Variants in KIAA0825 observed in about 807,000 individuals in gnomAD.
KIAA0825 encodes the protein uncharacterized protein KIAA0825.
Under a neutral mutation model 147.6 loss-of-function variants are expected in KIAA0825, and 119 were observed. That is an observed-to-expected ratio of 0.81 (90% CI 0.69 to 0.94). The LOEUF (loss-of-function observed/expected upper bound fraction) is 0.94. Among genes scored for constraint, KIAA0825 ranks in the 40% least tolerant of loss-of-function variants. The probability of loss-of-function intolerance (pLI) is 0.00; values close to 1 mark genes in which losing one functional copy is unlikely to be tolerated. For missense variants in KIAA0825, 1,381 were observed against 1,472.7 expected (o/e 0.94, Z 1.02); for synonymous variants, 470 against 518.1 (o/e 0.91, Z 1.26).
chr5:94,269,672 G>A (rs1416029096), intron 20 of KIAA0825, among the ~76,000 whole-genome samples: 3 of 152,008 alleles, frequency 2.0e-5, no homozygotes, highest in Non-Finnish European at 4.4e-5. Context: ...ACAGTACTAA[G>A]AGGAAAGTTT....
chr5:94,294,018 G>A (rs1778027129), intron 20 of KIAA0825, among the ~76,000 whole-genome samples: 2 of 151,934 alleles, frequency 1.3e-5, no homozygotes, highest in African/African-American at 4.8e-5. Context: ...GAGTTTATAT[G>A]TGCCTTTGCA....
intron 20 of KIAA0825, among the ~76,000 whole-genome samples, chr5:94,245,041 A>G (rs191938552): frequency 1.9e-4 from 29 of 152,320 alleles, no homozygotes; most frequent in Middle Eastern, 3.4e-3. Context: ...CAAAGTTGAT[A>G]GGTATTGAAA....
chr5:94,253,910 A>G (rs892597222), intron 20 of KIAA0825, among the ~76,000 whole-genome samples: 1 of 152,168 alleles, frequency 6.6e-6, no homozygotes, highest in Non-Finnish European at 1.5e-5. Flanking sequence ...AGCACAATGC[A>G]TCTTCACTGT....
chr5:94,431,268 A>T (rs542665494), intron 14 of KIAA0825, among the ~76,000 whole-genome samples: 1 of 152,224 alleles, frequency 6.6e-6, no homozygotes, highest in Non-Finnish European at 1.5e-5. Context: ...CAATATTAGT[A>T]CCCCATTTAG....
chr5:94,180,649 A>T (rs1340741983), intron 20 of KIAA0825, among the ~76,000 whole-genome samples: 1 of 152,104 alleles, frequency 6.6e-6, no homozygotes, highest in African/African-American at 2.4e-5. Context: ...ATGGCATTTC[A>T]TGTTTCAGAG....
chr5:94,466,608 G>A (rs2150970616), intron 10 of KIAA0825, among the ~76,000 whole-genome samples: 1 of 151,696 alleles, frequency 6.6e-6, no homozygotes, highest in South Asian at 2.1e-4. Context: ...GTGGTGGCAG[G>A]CGCCTGTAGT....
intron 1 of KIAA0825, among the ~76,000 whole-genome samples, chr5:94,610,512 C>G (rs1481266323): frequency 1.3e-5 from 2 of 149,712 alleles, no homozygotes; most frequent in African/African-American, 4.9e-5. Flanking sequence ...ACCTGTAATC[C>G]TAGCACTTTG....
At chr5:94,454,894 C>A (rs962592287) in intron 12 of KIAA0825, among the ~76,000 whole-genome samples, 8 of 151,994 alleles carry the variant, frequency 5.3e-5, no homozygotes, top group Non-Finnish European at 8.8e-5. Flanking sequence ...GTTAAATTCA[C>A]AGAACGAACA....
intron 20 of KIAA0825, among the ~76,000 whole-genome samples, chr5:94,330,376 C>T (rs942664405): frequency 6.6e-6 from 1 of 152,004 alleles, no homozygotes; most frequent in Admixed American, 6.6e-5. Flanking sequence ...AAATATGTAA[C>T]CTGATCAAAA....
intron 1 of KIAA0825, among the ~76,000 whole-genome samples, chr5:94,614,535 C>A (rs1789861053): frequency 6.6e-6 from 1 of 152,170 alleles, no homozygotes. Flanking sequence ...CAGCCTTCAT[C>A]CATCTTACAT....
intron 20 of KIAA0825, among the ~76,000 whole-genome samples, chr5:94,326,756 A>T (rs1218709733): frequency 6.6e-6 from 1 of 152,228 alleles, no homozygotes; most frequent in South Asian, 2.1e-4. Flanking sequence ...TCCTTAGGAT[A>T]TAAAAATTAC....
At chr5:94,356,180 A>T (rs1406905018) in intron 20 of KIAA0825, among the ~76,000 whole-genome samples, 1 of 152,238 alleles carries the variant, frequency 6.6e-6, no homozygotes, top group Non-Finnish European at 1.5e-5. Context: ...AAAATTAATA[A>T]GATGAACCTT....
At chr5:94,435,520 C>T (rs955831921) in intron 14 of KIAA0825, among the ~76,000 whole-genome samples, 1 of 152,056 alleles carries the variant, frequency 6.6e-6, no homozygotes, top group Non-Finnish European at 1.5e-5. Flanking sequence ...TCCAGTCTAT[C>T]ATTGATGGGC....
intron 20 of KIAA0825, among the ~76,000 whole-genome samples, chr5:94,210,015 A>C (rs1187777503): frequency 6.6e-6 from 1 of 152,160 alleles, no homozygotes; most frequent in African/African-American, 2.4e-5. Context: ...GTCACAACCC[A>C]TCAATAGAAA....
At chr5:94,157,204 A>G (rs1415051981) in intron 20 of KIAA0825, among the ~76,000 whole-genome samples, 1 of 152,070 alleles carries the variant, frequency 6.6e-6, no homozygotes, top group East Asian at 1.9e-4. Flanking sequence ...TGTTTTTCCT[A>G]ATTTTGGTAG....
intron 2 of KIAA0825, among the ~76,000 whole-genome samples, chr5:94,566,717 C>T (rs1374532307): frequency 2.6e-5 from 4 of 152,012 alleles, no homozygotes; most frequent in Non-Finnish European, 5.9e-5. Flanking sequence ...ATAGACTCTT[C>T]TATATAGATT....
At chr5:94,416,776 A>G (rs1753525949) in intron 15 of KIAA0825, 1 of 168,646 alleles carries the variant, frequency 5.9e-6, no homozygotes, top group Non-Finnish European at 1.3e-5. Context: ...GGTCATAATA[A>G]TAAATGCCTT....
chr5:94,602,504 G>A (rs749305592), intron 1 of KIAA0825, among the ~76,000 whole-genome samples: 5 of 152,124 alleles, frequency 3.3e-5, no homozygotes, highest in East Asian at 1.9e-4. Flanking sequence ...TGTAGTTCTC[G>A]TAATCCCAAC....
intron 20 of KIAA0825, among the ~76,000 whole-genome samples, chr5:94,202,894 G>A (rs1771826828): frequency 6.6e-6 from 1 of 152,068 alleles, no homozygotes; most frequent in African/African-American, 2.4e-5. Context: ...CTTTCTCAGA[G>A]CCTTTTGTTC....
Sources: gnomAD v4.1 joint callset for allele counts (sites outside exome capture counted in the v4.1 genomes callset) on GRCh38, gnomAD v4.1.1 for gene constraint, MANE v1.5 for transcripts, NCBI Gene and HGNC (gene_info 2026-07-23, HGNC 2026-07-21) for gene names.